Variants in GIP observed in about 807,000 individuals in gnomAD.
The protein encoded by GIP is glucose-dependent insulinotropic polypeptide.
Under a neutral mutation model 18.1 loss-of-function variants are expected in GIP, and 16 were observed. That is an observed-to-expected ratio of 0.88 (90% CI 0.60 to 1.34). The LOEUF is 1.34. Among genes scored for constraint, GIP ranks in the 40% most tolerant of loss-of-function variants. The pLI, the probability that GIP is intolerant of heterozygous loss-of-function variation, is 0.00. For missense variants in GIP, 192 were observed against 183.4 expected (o/e 1.05, Z -0.27); for synonymous variants, 76 against 74.0 (o/e 1.03, Z -0.14).
intron 3 of GIP, among the ~76,000 whole-genome samples, chr17:48,962,704 G>A (rs1010659081): frequency 5.1e-4 from 78 of 152,192 alleles, no homozygotes; most frequent in Non-Finnish European, 9.6e-4. Context: ...AGTGGCCACC[G>A]CCAAGCAAGC....
At chr17:48,958,803 A>G in intron 5 of GIP, 87 bp from the exon 6 acceptor site, 1 of 837,488 alleles carries the variant, frequency 1.2e-6, no homozygotes, top group East Asian at 2.7e-5. Flanking sequence ...CCATTGTTGA[A>G]CCCCTCCTAC....
In GIP at chr17:48,964,390, A is replaced by T. The variant is rs201421019; in HGVS notation, c.177T>A (p.Ser59Arg). ...TCTTGTCCATGGCAATACTGTAGTC[A>T]CTGATGAAAGTCCCTTCCGCGTACC... ...GPRYAEGTFI[S>R]DYSIAMDKIH... is the part of the protein sequence containing the mutation. The change falls in exon 3 of 6, where the codon AGT (serine) becomes AGA (arginine). Residue 59 changes from serine (S) to arginine (R), a missense_variant. By Grantham distance (110) the Ser-to-Arg change is moderately radical. Coordinates refer to ENST00000357424, the MANE Select transcript of GIP (RefSeq NM_004123.3). The T allele has an allele frequency of 2.7e-5, 43 of 1,613,666 alleles. No individual in the cohort carries two copies. Among genetic ancestry groups the T allele is most frequent in the Non-Finnish European group, 3.5e-5 (41 of 1,179,778 alleles).
At chr17:48,967,012 G>A in intron 2 of GIP, 135 bp downstream of exon 2, 2 of 642,986 alleles carry the variant, frequency 3.1e-6, no homozygotes, top group South Asian at 1.8e-5. Context: ...CACGCTGCCG[G>A]CAGGTATTTC....
chr17:48,963,743 A>G (rs1167951347), intron 3 of GIP, among the ~76,000 whole-genome samples: 1 of 147,898 alleles, frequency 6.8e-6, no homozygotes, highest in Non-Finnish European at 1.5e-5. Context: ...CTGAGGCAGG[A>G]GAATCGCTTG....
In GIP at chr17:48,964,382, C is replaced by G. The variant is rs1324437719; in HGVS notation, c.185G>C (p.Ser62Thr). The part of the protein sequence containing the change: ...YAEGTFISDY[S>T]IAMDKIHQQD... ...TTGGTGAATCTTGTCCATGGCAATA[C>G]TGTAGTCACTGATGAAAGTCCCTTC... Residue 62 changes from serine (S) to threonine (T), a missense_variant, in exon 3 of 6, where the codon AGT (serine) becomes ACT (threonine). Ser to Thr is a moderately conservative substitution (Grantham distance 58). Transcript: ENST00000357424. 1 of 1,613,808 alleles carries G rather than the reference C, an allele frequency of 6.2e-7. No homozygotes were observed. Among genetic ancestry groups the G allele is most frequent in the Admixed American group, 1.7e-5 (1 of 59,994 alleles).
chr17:48,965,117 A>C (rs1409833410), intron 2 of GIP, among the ~76,000 whole-genome samples: 21 of 120,804 alleles, frequency 1.7e-4, no homozygotes, highest in Admixed American at 2.6e-4. Context: ...CCAGCCTGGG[A>C]GACAGAGCGA....
At chr17:48,964,125 A>G (rs1197515311) in intron 3 of GIP, among the ~76,000 whole-genome samples, 185 bp downstream of exon 3, 1 of 144,102 alleles carries the variant, frequency 6.9e-6, no homozygotes, top group Non-Finnish European at 1.5e-5. Context: ...GCGCCACTGC[A>G]CTCCAGCCTG....
intron 1 of GIP, 131 bp from the exon 2 acceptor site, chr17:48,967,384 G>C: frequency 1.7e-6 from 1 of 577,336 alleles, no homozygotes; most frequent in Non-Finnish European, 3.0e-6. Flanking sequence ...TTTTGAGATG[G>C]AGTCTCGCTC....
At chr17:48,960,327 GCGGGACACAGGA>G in intron 5 of GIP, among the ~76,000 whole-genome samples, 1 of 39,638 alleles carries the variant, frequency 2.5e-5, no homozygotes, top group Admixed American at 2.4e-4. Flanking sequence ...GTAGGGACAG[GCGGGACACAGGA>G]TGGGCTCAGC....
At chr17:48,962,179 C>T (rs78293062) in intron 3 of GIP, among the ~76,000 whole-genome samples, 16,900 of 152,190 alleles carry the variant, frequency 0.11, 1,667 homozygotes, top group African/African-American at 0.27. Context: ...AAGCCATCTT[C>T]CCATCTCAGC....
intron 5 of GIP, among the ~76,000 whole-genome samples, chr17:48,959,379 C>T (rs1402214779): frequency 1.3e-5 from 2 of 152,188 alleles, no homozygotes; most frequent in Non-Finnish European, 2.9e-5. Context: ...CTCCATGGAT[C>T]TGCTCACACT....
chr17:48,961,674 G>T, intron 4 of GIP, 53 bp downstream of exon 4: 1 of 1,110,192 alleles, frequency 9.0e-7, no homozygotes, highest in Non-Finnish European at 1.4e-6. Context: ...ACAAAGAGGT[G>T]GGGGCGGGGC....
intron 2 of GIP, among the ~76,000 whole-genome samples, chr17:48,966,615 T>C (rs754357775): frequency 1.3e-5 from 2 of 150,228 alleles, no homozygotes; most frequent in Non-Finnish European, 3.0e-5. Context: ...TTCATAAGCC[T>C]GGGTAACATG....
At chr17:48,959,213 A>T (rs2041185977) in intron 5 of GIP, among the ~76,000 whole-genome samples, 1 of 152,064 alleles carries the variant, frequency 6.6e-6, no homozygotes, top group African/African-American at 2.4e-5. Context: ...GAGTGCAGTG[A>T]CTGTTTACAG....
chr17:48,960,676 GT>G (rs1007136199), intron 5 of GIP, among the ~76,000 whole-genome samples: 53 of 151,586 alleles, frequency 3.5e-4, no homozygotes, highest in African/African-American at 1.2e-3. Flanking sequence ...TTTTTCTTTT[GT>G]TTTTTTTCTT....
chr17:48,963,949 A>C (rs1363655227), intron 3 of GIP, among the ~76,000 whole-genome samples: 1 of 148,808 alleles, frequency 6.7e-6, no homozygotes, highest in Non-Finnish European at 1.5e-5. Context: ...GGTCAGATCG[A>C]GACCATCCTA....
In GIP at chr17:48,958,722, G is replaced by T. The variant is rs190133473; in HGVS notation, c.453-6C>A. The stretch of plus-strand genomic sequence containing the variant: ...GTGGTCAGAGTCACCGAGACCTGGG[G>T]AGAGTGGGGAAAGGAGAAGAAGGTT... On this transcript the variant is annotated splice_region_variant and splice_polypyrimidine_tract_variant and intron_variant, in intron 5 of 5. Coordinates refer to ENST00000357424, the MANE Select transcript of GIP (RefSeq NM_004123.3). The T allele has an allele frequency of 3.6e-4, 572 of 1,579,882 alleles. 3 individuals are homozygous for T. In the African/African-American group the frequency reaches 6.9e-3, roughly 19 times the overall value.
At chr17:48,958,752 T>C (rs963697178) in intron 5 of GIP, 36 bp from the exon 6 acceptor site, 31 of 1,563,872 alleles carry the variant, frequency 2.0e-5, no homozygotes, top group East Asian at 4.7e-5. Flanking sequence ...AAGGTTGTTA[T>C]GGACTTGGAG....
At chr17:48,958,864 T>G (rs2041183437) in intron 5 of GIP, 148 bp from the exon 6 acceptor site, 3 of 585,482 alleles carry the variant, frequency 5.1e-6, no homozygotes, top group Non-Finnish European at 5.8e-6. Context: ...TACTTTTTTT[T>G]TTTTTTTTGA....
Sources: gnomAD v4.1 joint callset for allele counts (sites outside exome capture counted in the v4.1 genomes callset) on GRCh38, gnomAD v4.1.1 for gene constraint, MANE v1.5 for transcripts, NCBI Gene and HGNC (gene_info 2026-07-23, HGNC 2026-07-21) for gene names.